Variants in DISC1 observed in about 807,000 individuals in gnomAD.
DISC1 encodes disrupted in schizophrenia 1 protein.
Under a neutral mutation model 84.5 loss-of-function variants are expected in DISC1, and 57 were observed. The observed-to-expected ratio is 0.67, with a 90% CI of 0.55 to 0.84. DISC1 has a LOEUF of 0.84. DISC1 is among the 40% of genes least tolerant of loss of function. The pLI is 0.00. For missense variants in DISC1, 1,000 were observed against 1,057.8 expected (o/e 0.95, Z 0.76); for synonymous variants, 411 against 415.2 (o/e 0.99, Z 0.12).
chr1:231,779,853 C>T (rs1046486722), intron 6 of DISC1, among the ~76,000 whole-genome samples: 4 of 151,952 alleles, frequency 2.6e-5, no homozygotes, highest in African/African-American at 4.8e-5. Flanking sequence ...GCCACCCTGC[C>T]GGCCTTGGTC....
intron 9 of DISC1, among the ~76,000 whole-genome samples, chr1:231,831,033 G>A (rs529478418): frequency 2.6e-5 from 4 of 152,316 alleles, no homozygotes; most frequent in Non-Finnish European, 5.9e-5. Context: ...TCTGACAGAA[G>A]GGAAGAAATG....
chr1:231,630,794 C>CA lies in DISC1; in HGVS notation c.67+3864dup, dbSNP rs1412042284. Among the ~76,000 whole-genome samples the CA allele has an allele frequency of 6.6e-6, 1 of 151,974 alleles. No homozygotes were observed. Among genetic ancestry groups the CA allele is most frequent in the Non-Finnish European group, 1.5e-5 (1 of 67,972 alleles). On this transcript the variant is annotated intron_variant, in intron 1 of 12. Transcript: ENST00000439617. This position sits in a 1 kb window ranked among gnomAD's most constrained non-coding sequence, Gnocchi z 4.4. ...GCCGTTCAGAATCCATTTTTTCTTT[C>CA]AAAACCAGAGTTCACCAGCTGTTTC...
intron 9 of DISC1, among the ~76,000 whole-genome samples, chr1:231,898,025 TATAAC>T (rs529383338): frequency 9.2e-4 from 140 of 152,216 alleles, no homozygotes; most frequent in African/African-American, 3.3e-3. Context: ...TCAAGAGACT[TATAAC>T]AGAACTAGGG....
chr1:231,886,800 TTTCTTTC>T, intron 9 of DISC1, among the ~76,000 whole-genome samples: 1 of 141,054 alleles, frequency 7.1e-6, no homozygotes, highest in Admixed American at 7.1e-5. Context: ...TCTTTCTTTC[TTTCTTTC>T]TTTCTTTCTT....
chr1:231,833,131 G>A (rs1196575440), intron 9 of DISC1, among the ~76,000 whole-genome samples: 1 of 150,576 alleles, frequency 6.6e-6, no homozygotes, highest in South Asian at 2.1e-4. Flanking sequence ...TTCAGCTGTA[G>A]TCCAGGAATA....
intron 9 of DISC1, among the ~76,000 whole-genome samples, chr1:231,859,519 C>A (rs529658776): frequency 9.2e-5 from 14 of 152,160 alleles, no homozygotes; most frequent in Non-Finnish European, 1.9e-4. Context: ...AGATTCTAAC[C>A]TCATGACCTA....
intron 3 of DISC1, among the ~76,000 whole-genome samples, chr1:231,710,576 T>C (rs764169541): frequency 1.2e-4 from 18 of 152,192 alleles, no homozygotes; most frequent in South Asian, 2.1e-4. Flanking sequence ...CAATAGAAAC[T>C]TATTGTCTCA....
intron 10 of DISC1, among the ~76,000 whole-genome samples, chr1:231,977,636 G>A (rs1558800936): frequency 6.6e-6 from 1 of 152,168 alleles, no homozygotes; most frequent in Non-Finnish European, 1.5e-5. Flanking sequence ...TGGCATGTAA[G>A]ATAAAATTCA....
rs554090453 is a variant in DISC1 at position 231,844,382 on chromosome 1, G to A, written c.1981+25865G>A. On this transcript the variant is annotated intron_variant, in intron 9 of 12. Transcript: ENST00000439617. Reference sequence around the variant, plus strand: ...AAGAGATGCATAGGACAAGGTATGGGGGTGGCGCAGAGCTTCCATGCCCCC... The same window carrying A: ...AAGAGATGCATAGGACAAGGTATGGAGGTGGCGCAGAGCTTCCATGCCCCC... Among the ~76,000 whole-genome samples, 14 of 152,302 alleles carry A rather than the reference G, an allele frequency of 9.2e-5. No homozygotes were observed. In the South Asian group the frequency reaches 2.9e-3, roughly 32 times the overall value.
At chr1:232,023,701 A>T (rs902670594) in intron 11 of DISC1, among the ~76,000 whole-genome samples, 1 of 152,178 alleles carries the variant, frequency 6.6e-6, no homozygotes, top group Non-Finnish European at 1.5e-5. Flanking sequence ...TTGTAGCCGT[A>T]AGATGAAGAT....
At chr1:231,982,374 T>TC (rs1002237889) in intron 10 of DISC1, among the ~76,000 whole-genome samples, 14 of 152,252 alleles carry the variant, frequency 9.2e-5, no homozygotes, top group African/African-American at 3.4e-4. Context: ...TTTCTTTTCT[T>TC]CCTTCCCTTC....
At position 231,958,830 on chromosome 1, in the gene DISC1, A is replaced by G. The variant is rs920756301; in HGVS notation, c.1984A>G (p.Thr662Ala). 6.2e-7 allele frequency: 1 copy of G among 1,613,626 alleles called. No individual in the cohort carries two copies. Among genetic ancestry groups the G allele is most frequent in the African/African-American group, 1.3e-5 (1 of 74,930 alleles). ...TGGATTTCCTTTTTTTCCCCCAGAAACAAGTGTGAAGGAAAATACTATGAA... is the reference window on the plus strand; with the variant it reads ...TGGATTTCCTTTTTTTCCCCCAGAAGCAAGTGTGAAGGAAAATACTATGAA... The part of the protein sequence containing the change: ...EVEHQETAYE[T>A]SVKENTMKYM... The change falls in exon 10 of 13, where the codon ACA becomes GCA. Residue 662 changes from threonine (T) to alanine (A), a missense_variant and splice_region_variant. Transcript: ENST00000439617.
intron 9 of DISC1, among the ~76,000 whole-genome samples, chr1:231,824,317 T>A (rs1022660672): frequency 2.4e-4 from 37 of 152,126 alleles, no homozygotes; most frequent in African/African-American, 8.9e-4. Flanking sequence ...TCTTTGGTCA[T>A]TTAGATTTAA....
At chr1:231,914,436 T>G (rs934860028) in intron 9 of DISC1, among the ~76,000 whole-genome samples, 1 of 152,122 alleles carries the variant, frequency 6.6e-6, no homozygotes, top group Non-Finnish European at 1.5e-5. Context: ...ATCTATTGGG[T>G]GGTTAACTGG....
Position 232,037,440 on chromosome 1 carries a change from C to G in DISC1, c.*609C>G, listed in dbSNP as rs974548631. 1 of 152,192 alleles carries G rather than the reference C, an allele frequency of 6.6e-6. No individual in the cohort carries two copies. The highest frequency in any genetic ancestry group is 1.5e-5 in the Non-Finnish European group (1 of 68,044). The allele number at this position is 152,192 out of a possible 1,614,324, so 9.4% of individuals were successfully genotyped here. On this transcript the variant is annotated 3_prime_UTR_variant, in exon 13 of 13. Coordinates refer to ENST00000439617, the MANE Select transcript of DISC1 (RefSeq NM_018662.3). ...AAGACAACAACCTCCCAGTGATATGCCACCTTTCAATTTTCCTTTTGTGGC... is the reference window on the plus strand; with the variant it reads ...AAGACAACAACCTCCCAGTGATATGGCACCTTTCAATTTTCCTTTTGTGGC...
At chr1:231,973,875 A>G (rs554937517) in intron 10 of DISC1, among the ~76,000 whole-genome samples, 9 of 152,342 alleles carry the variant, frequency 5.9e-5, no homozygotes, top group Middle Eastern at 3.4e-3. Context: ...GAAAAGCTAG[A>G]AAAGCCAGCT....
Position 232,039,059 on chromosome 1 carries a change from A to G in DISC1, c.*2228A>G, listed in dbSNP as rs1670676085. 1 of 152,212 alleles carries G rather than the reference A, an allele frequency of 6.6e-6. No homozygotes were observed. Among genetic ancestry groups the G allele is most frequent in the African/African-American group, 2.4e-5 (1 of 41,456 alleles). 9.4% of individuals were successfully genotyped at this position (152,212 alleles called of 1,614,324 possible). On this transcript the variant is annotated 3_prime_UTR_variant, in exon 13 of 13. Transcript: ENST00000439617. ...TTATCTCGAGCAAAATACACTCTAC[A>G]TATTTTAATAATAAGTATAATTAGC...
chr1:231,914,514 C>A (rs1047539542), intron 9 of DISC1, among the ~76,000 whole-genome samples: 1 of 152,158 alleles, frequency 6.6e-6, no homozygotes, highest in East Asian at 1.9e-4. Context: ...AGGAAAATAG[C>A]CATTGAGGTA....
rs942938161 is a variant in DISC1 at position 232,040,580 on chromosome 1, A to G, written c.*3749A>G. 2 of 152,186 alleles carry G rather than the reference A, an allele frequency of 1.3e-5. No homozygotes were observed. Among genetic ancestry groups the G allele is most frequent in the African/African-American group, 4.8e-5 (2 of 41,448 alleles). The allele number at this position is 152,186 out of a possible 1,614,324, so 9.4% of individuals were successfully genotyped here. On this transcript the variant is annotated 3_prime_UTR_variant, in exon 13 of 13. Transcript: ENST00000439617. ...AAAATGTGAAGTAATAGTGAACCTA[A>G]CAGTCAGAGACAGGCAGCATGCTCT...
Sources: allele counts gnomAD v4.1 joint callset (sites outside exome capture counted in the v4.1 genomes callset), GRCh38; gene constraint gnomAD v4.1.1; non-coding constraint Gnocchi (gnomAD v3.1); transcripts MANE v1.5; gene names NCBI Gene and HGNC (gene_info 2026-07-23, HGNC 2026-07-21).